Variants in ARB2A observed in about 807,000 individuals in gnomAD.
ARB2A encodes ARB2 cotranscriptional regulator A.
the ARB2A span, among the ~76,000 whole-genome samples, chr5:93,852,020 A>G: frequency 1.3e-5 from 2 of 152,200 alleles, no homozygotes; most frequent in South Asian, 2.1e-4. Context: ...ATCCCTGAGG[A>G]ATCGCCACAC....
chr5:93,786,925 C>T, the ARB2A span, among the ~76,000 whole-genome samples: 3 of 152,088 alleles, frequency 2.0e-5, no homozygotes. Flanking sequence ...AGGAAAAAAC[C>T]TTCTATAATA....
chr5:93,803,285 C>T, the ARB2A span, among the ~76,000 whole-genome samples: 2 of 151,948 alleles, frequency 1.3e-5, no homozygotes, highest in South Asian at 2.1e-4. Flanking sequence ...TTGTTATGTT[C>T]TTTCATGTCT....
chr5:94,065,331 T>C, the ARB2A span, among the ~76,000 whole-genome samples: 1 of 152,154 alleles, frequency 6.6e-6, no homozygotes, highest in Non-Finnish European at 1.5e-5. Context: ...CTGGCCTACA[T>C]GGTGAAACCC....
chr5:93,824,265 T>G, the ARB2A span: 25 of 1,572,040 alleles, frequency 1.6e-5, no homozygotes, highest in Non-Finnish European at 2.2e-5. Flanking sequence ...GAGAACCATT[T>G]TCCTATAAGG....
chr5:94,006,267 A>G, the ARB2A span, among the ~76,000 whole-genome samples: 1 of 152,194 alleles, frequency 6.6e-6, no homozygotes, highest in South Asian at 2.1e-4. Flanking sequence ...AAAAACAGCC[A>G]ATCCCAAATG....
At chr5:94,011,270 T>C in the ARB2A span, among the ~76,000 whole-genome samples, 3 of 152,174 alleles carry the variant, frequency 2.0e-5, no homozygotes, top group Admixed American at 2.0e-4. Flanking sequence ...AGTGCTTGGA[T>C]TTTTTCTCTA....
the ARB2A span, chr5:93,959,007 C>G: frequency 7.3e-7 from 1 of 1,375,902 alleles, no homozygotes; most frequent in Non-Finnish European, 9.8e-7. Context: ...TAAATGTCTT[C>G]TGATCAGGCA....
the ARB2A span, among the ~76,000 whole-genome samples, chr5:93,959,733 A>C: frequency 6.6e-6 from 1 of 152,198 alleles, no homozygotes; most frequent in South Asian, 2.1e-4. Context: ...CAGAATAAAA[A>C]GTAAATATTT....
At chr5:93,626,953 A>G in the ARB2A span, among the ~76,000 whole-genome samples, 2 of 152,198 alleles carry the variant, frequency 1.3e-5, no homozygotes, top group Non-Finnish European at 2.9e-5. Flanking sequence ...AAATTAGTCA[A>G]TCCTTTCAAA....
the ARB2A span, among the ~76,000 whole-genome samples, chr5:93,721,510 T>A: frequency 6.6e-6 from 1 of 152,220 alleles, no homozygotes; most frequent in Non-Finnish European, 1.5e-5. Context: ...TTGAGGCAAG[T>A]ACATGCACAT....
chr5:93,854,242 C>A, the ARB2A span, among the ~76,000 whole-genome samples: 1 of 152,096 alleles, frequency 6.6e-6, no homozygotes, highest in Non-Finnish European at 1.5e-5. Context: ...AGTTTATTTG[C>A]GTAGAGGTGT....
the ARB2A span, among the ~76,000 whole-genome samples, chr5:93,857,908 G>A: frequency 5.3e-5 from 8 of 152,296 alleles, no homozygotes; most frequent in African/African-American, 1.9e-4. Context: ...GACTGGAGCT[G>A]TTCCTATTCG....
the ARB2A span, among the ~76,000 whole-genome samples, chr5:94,102,835 C>A: frequency 1.3e-5 from 2 of 152,084 alleles, no homozygotes; most frequent in Non-Finnish European, 2.9e-5. Flanking sequence ...AGAAACCCTA[C>A]AAGCCAGAAA....
the ARB2A span, among the ~76,000 whole-genome samples, chr5:93,806,511 C>A: frequency 1.3e-5 from 2 of 151,786 alleles, no homozygotes; most frequent in Non-Finnish European, 2.9e-5. Flanking sequence ...AGATAAATTA[C>A]ACACAACTCA....
At chr5:93,872,548 A>C in the ARB2A span, among the ~76,000 whole-genome samples, 1 of 152,190 alleles carries the variant, frequency 6.6e-6, no homozygotes, top group African/African-American at 2.4e-5. Flanking sequence ...CAAAGGTCTA[A>C]TTCTTGAACT....
the ARB2A span, among the ~76,000 whole-genome samples, chr5:94,002,556 G>A: frequency 4.6e-5 from 7 of 151,844 alleles, no homozygotes; most frequent in African/African-American, 1.7e-4. Context: ...TCCAACTTTG[G>A]GGTTAGCAAT....
At chr5:94,097,044 G>C in the ARB2A span, among the ~76,000 whole-genome samples, 2 of 152,214 alleles carry the variant, frequency 1.3e-5, no homozygotes, top group East Asian at 1.9e-4. Context: ...ACTCCAGCCT[G>C]TGCAGAGCCC....
chr5:93,787,625 G>C, the ARB2A span, among the ~76,000 whole-genome samples: 4 of 152,078 alleles, frequency 2.6e-5, no homozygotes, highest in Admixed American at 2.6e-4. Context: ...ACTGTGACTT[G>C]ACCTTGGATA....
At chr5:93,961,948 ACT>A in the ARB2A span, among the ~76,000 whole-genome samples, 28 of 152,194 alleles carry the variant, frequency 1.8e-4, no homozygotes, top group Non-Finnish European at 3.7e-4. Flanking sequence ...TTTACACAGA[ACT>A]CTGACTGTGC....
Sources: gnomAD v4.1 joint callset for allele counts (sites outside exome capture counted in the v4.1 genomes callset) on GRCh38, gnomAD v4.1.1 for gene constraint, MANE v1.5 for transcripts, NCBI Gene and HGNC (gene_info 2026-07-23, HGNC 2026-07-21) for gene names.